TNKS1BP1: variants seen among roughly 807,000 people sequenced by gnomAD.
TNKS1BP1 encodes 182 kDa tankyrase-1-binding protein.
Under a neutral mutation model 141.1 loss-of-function variants are expected in TNKS1BP1, and 48 were observed. The ratio of observed to expected loss-of-function variants is 0.34; its 90% confidence interval spans 0.27 to 0.43. The LOEUF is 0.43. Ranked by LOEUF, TNKS1BP1 falls within the 20% of genes least tolerant of loss-of-function variation. The pLI, the probability that TNKS1BP1 is intolerant of heterozygous loss-of-function variation, is 1.00. For synonymous variants in TNKS1BP1, 875 were observed against 898.2 expected (o/e 0.97, Z 0.46); for missense variants, 2,149 against 2,226.0 (o/e 0.97, Z 0.70).
chr11:57,315,024 C>T (rs926539079), intron 4 of TNKS1BP1, among the ~76,000 whole-genome samples: 9 of 152,080 alleles, frequency 5.9e-5, no homozygotes, highest in Non-Finnish European at 1.3e-4. Flanking sequence ...AAACCATAAC[C>T]GCTGCATCAC....
At chr11:57,322,408 C>T in intron 1 of TNKS1BP1, 1 of 730,148 alleles carries the variant, frequency 1.4e-6, no homozygotes, top group African/African-American at 1.9e-5. Context: ...CCCCTTCCCA[C>T]TCACCCTCCT....
chr11:57,313,323 C>T lies in TNKS1BP1; in HGVS notation c.1365G>A (p.Gly455=), dbSNP rs1279350933. ...AGGGACGATCCAGGGCCAACTGGCT[C>T]CCCTGGCCTTGGGGCAGGGCAGCCA... The part of the protein sequence containing the change: ...GSLAALPQGQ[G]SQLALDRPFG... The change falls in exon 5 of 12, where the codon GGG becomes GGA. Residue 455 remains glycine, a synonymous_variant. Coordinates refer to ENST00000358252, the MANE Select transcript of TNKS1BP1 (RefSeq NM_033396.3). 4 of 1,612,962 alleles carry T rather than the reference C, an allele frequency of 2.5e-6. No homozygotes were observed. Among genetic ancestry groups the T allele is most frequent in the Admixed American group, 1.7e-5 (1 of 60,022 alleles).
intron 9 of TNKS1BP1, 113 bp downstream of exon 9, chr11:57,301,694 A>G: frequency 7.1e-7 from 1 of 1,407,728 alleles, no homozygotes; most frequent in Non-Finnish European, 9.7e-7. Flanking sequence ...TGAGAGGAGG[A>G]ATGGGAGAGG....
intron 5 of TNKS1BP1, chr11:57,311,350 C>T (rs1330386286): frequency 3.0e-6 from 3 of 985,760 alleles, no homozygotes; most frequent in Non-Finnish European, 3.6e-6. Flanking sequence ...CTCCCCATCC[C>T]CAGGCTGGGC....
intron 6 of TNKS1BP1, among the ~76,000 whole-genome samples, chr11:57,305,821 G>A (rs1057005942): frequency 4.6e-5 from 7 of 152,160 alleles, no homozygotes; most frequent in Non-Finnish European, 8.8e-5. Context: ...ACGAGGAATC[G>A]GAGGCCCGCA....
In TNKS1BP1 at chr11:57,309,942, G is replaced by A. The variant is rs779045387; in HGVS notation, c.2769C>T (p.Ala923=). The stretch of plus-strand genomic sequence containing the variant: ...TCTGAAACTCCCAGTCCTGCTCATC[G>A]GCATCCTGGCTGCTGTACCTACCAT... ...DHHGRYSSQD[A]DEQDWEFQKR... The change falls in exon 6 of 12, where the codon GCC becomes GCT. Residue 923 remains alanine, a synonymous_variant. Transcript: ENST00000358252. The surrounding 1 kb of genome is among the most constrained non-coding windows in gnomAD (Gnocchi z 4.3). 1.5e-5 allele frequency: 24 copies of A among 1,613,752 alleles called. No individual in the cohort carries two copies. The South Asian group carries it at 1.5e-4, about 10-fold the overall frequency.
chr11:57,309,165 G>C lies in TNKS1BP1; in HGVS notation c.3546C>G (p.Ser1182Arg), dbSNP rs748694343. 27 of 1,613,886 alleles carry C rather than the reference G, an allele frequency of 1.7e-5. No individual in the cohort carries two copies. Among genetic ancestry groups the C allele is most frequent in the Non-Finnish European group, 2.3e-5 (27 of 1,180,018 alleles). ...GTCCCACGGCACTCTCCCTGGCCTC[G>C]CTCGAGCCCCCAGAACCCACACAGC... ...VSSCVGSGGS[S>R]EARESAVGQM... Residue 1182 changes from serine to arginine, a missense_variant, in exon 6 of 12, where the codon AGC becomes AGG. Transcript: ENST00000358252. This position sits in a 1 kb window ranked among gnomAD's most constrained non-coding sequence, Gnocchi z 4.3.
chr11:57,313,986 C>T, intron 4 of TNKS1BP1, 97 bp from the exon 5 acceptor site: 1 of 1,322,266 alleles, frequency 7.6e-7, no homozygotes, highest in South Asian at 2.1e-5. Context: ...CAGCTTCTCC[C>T]AGGCTGGGAG....
chr11:57,311,782 C>T (rs1447203240), intron 5 of TNKS1BP1, among the ~76,000 whole-genome samples: 1 of 152,276 alleles, frequency 6.6e-6, no homozygotes, highest in Non-Finnish European at 1.5e-5. Context: ...GGAAACGGCG[C>T]TGGCCCGGGC....
chr11:57,312,683 A>C lies in TNKS1BP1; in HGVS notation c.2005T>G (p.Cys669Gly). The C allele has an allele frequency of 3.2e-6, 5 of 1,579,830 alleles. No individual in the cohort carries two copies. Among genetic ancestry groups the C allele is most frequent in the Non-Finnish European group, 4.3e-6 (5 of 1,164,148 alleles). ...CCTGGAGGCTCGGGGGATGCCCTAC[A>C]CAAGTCTTGAGCCTCTGTCCTGGCT... ...TQARTEAQDL[C>G]RASPEPPGPE... is the part of the protein sequence containing the mutation. Residue 669 changes from cysteine to glycine, a missense_variant, in exon 5 of 12, where the codon TGT becomes GGT. Physicochemically the swap from Cys to Gly is radical, Grantham distance 159. Transcript: ENST00000358252.
At chr11:57,324,806 C>T (rs1381841041) in intron 1 of TNKS1BP1, 34 bp downstream of exon 1, 2 of 985,696 alleles carry the variant, frequency 2.0e-6, no homozygotes, top group African/African-American at 3.5e-5. Flanking sequence ...CGGACCCCGC[C>T]CCCTCCTTCG....
At position 57,309,092 on chromosome 11, in the gene TNKS1BP1, C is replaced by T. The variant is rs1011099768; in HGVS notation, c.3619G>A (p.Gly1207Ser). The change falls in exon 6 of 12, where the codon GGC becomes AGC. Residue 1207 changes from glycine (G) to serine (S), a missense_variant. Coordinates refer to ENST00000358252, the MANE Select transcript of TNKS1BP1 (RefSeq NM_033396.3). This position sits in a 1 kb window ranked among gnomAD's most constrained non-coding sequence, Gnocchi z 4.3. ...TCAGACCCTCCACTTTCCAAACAGC[C>T]GGTCAGGTTCATGTCTCTCAAGCTC... The part of the protein sequence containing the change: ...GLSLRDMNLT[G>S]CLESGGSEEP... The T allele has an allele frequency of 1.5e-5, 25 of 1,614,066 alleles. No individual in the cohort carries two copies. Among genetic ancestry groups the T allele is most frequent in the African/African-American group, 4.0e-5 (3 of 74,922 alleles).
intron 10 of TNKS1BP1, 140 bp downstream of exon 10, chr11:57,300,744 C>T (rs1026064389): frequency 6.7e-7 from 1 of 1,493,242 alleles, no homozygotes; most frequent in Non-Finnish European, 9.2e-7. Context: ...CTGACACCAT[C>T]TTCATACCGT....
intron 3 of TNKS1BP1, among the ~76,000 whole-genome samples, chr11:57,319,792 T>C (rs1855853829): frequency 6.7e-6 from 1 of 148,796 alleles, no homozygotes; most frequent in Non-Finnish European, 1.5e-5. Context: ...AAAAAGTCTA[T>C]TGTCTATTAA....
At chr11:57,317,479 C>A (rs1855815531) in intron 4 of TNKS1BP1, among the ~76,000 whole-genome samples, 1 of 152,234 alleles carries the variant, frequency 6.6e-6, no homozygotes, top group Non-Finnish European at 1.5e-5. Flanking sequence ...TGGGACTAAC[C>A]AGGTCTACTA....
rs757670273 is a variant in TNKS1BP1, at chr11:57,313,449, C to G, written c.1239G>C (p.Lys413Asn). 3.1e-6 allele frequency: 5 copies of G among 1,601,652 alleles called. No individual in the cohort carries two copies. The Admixed American group carries it at 5.1e-5, about 16-fold the overall frequency. ...TGGTGGGGCGGAGGTGTGCGTCACC[C>G]TTGGCCTCCTCCTCCCCGCCAGATG... ...TFPSGGEEEA[K>N]GDAHLRPTSL... The change falls in exon 5 of 12, where the codon AAG (lysine) becomes AAC (asparagine). Residue 413 changes from lysine to asparagine, a missense_variant. By Grantham distance (94) the Lys-to-Asn change is moderately conservative. Transcript: ENST00000358252.
At chr11:57,318,341 G>A (rs1361172505) in intron 3 of TNKS1BP1, among the ~76,000 whole-genome samples, 2 of 152,250 alleles carry the variant, frequency 1.3e-5, no homozygotes, top group East Asian at 3.8e-4. Flanking sequence ...TTGTTCTTAA[G>A]CCCTACTTGG....
Position 57,310,418 on chromosome 11 carries a change from C to T in TNKS1BP1, c.2293G>A (p.Gly765Arg). 1 of 1,614,028 alleles carries T rather than the reference C, an allele frequency of 6.2e-7. No homozygotes were observed. The highest frequency in any genetic ancestry group is 8.5e-7 in the Non-Finnish European group (1 of 1,180,040). Residue 765 changes from glycine to arginine, a missense_variant, in exon 6 of 12, where the codon GGA (glycine) becomes AGA (arginine). By Grantham distance (125) the Gly-to-Arg change is moderately radical (BLOSUM62 -2). Coordinates refer to ENST00000358252, the MANE Select transcript of TNKS1BP1 (RefSeq NM_033396.3). ...TCCCTCTCTCCGAGACCTGGGTCTC[C>T]TCTAGGGCTTGCACCCCCAAGGCCA... Reference protein sequence around the residue: ...DYGLGGASPRGDPGLGERDWT... With the variant: ...DYGLGGASPRRDPGLGERDWT...
chr11:57,321,744 T>TGGCCCCC, intron 2 of TNKS1BP1, 48 bp downstream of exon 2: 2 of 1,039,806 alleles, frequency 1.9e-6, no homozygotes, highest in Non-Finnish European at 3.0e-6. Flanking sequence ...CCTCTGTCCT[T>TGGCCCCC]CCCACCCCCC....
Sources: gnomAD v4.1 joint callset for allele counts (sites outside exome capture counted in the v4.1 genomes callset) on GRCh38, gnomAD v4.1.1 for gene constraint, Gnocchi (gnomAD v3.1) non-coding constraint, MANE v1.5 for transcripts, NCBI Gene and HGNC (gene_info 2026-07-23, HGNC 2026-07-21) for gene names.